CEP170: variants seen among roughly 807,000 people sequenced by gnomAD.
CEP170 encodes the protein centrosomal protein of 170 kDa.
In CEP170, 21 loss-of-function variants were observed where a neutral mutation model predicts 151.9. That is an observed-to-expected ratio of 0.14 (90% CI 0.10 to 0.20). CEP170 has a LOEUF of 0.20. Among genes scored for constraint, CEP170 ranks in the 10% least tolerant of loss-of-function variants. The pLI is 1.00. For missense variants in CEP170, 964 were observed against 1,892.9 expected (o/e 0.51, Z 9.11); for synonymous variants, 356 against 648.8 (o/e 0.55, Z 6.86).
chr1:243,223,205 C>G (rs2062963509), intron 2 of CEP170, among the ~76,000 whole-genome samples: 1 of 152,030 alleles, frequency 6.6e-6, no homozygotes, highest in African/African-American at 2.4e-5. Flanking sequence ...TCAATAAATA[C>G]TGAATGGATC....
chr1:243,206,725 A>G (rs2061445109), intron 4 of CEP170, among the ~76,000 whole-genome samples: 1 of 152,250 alleles, frequency 6.6e-6, no homozygotes, highest in Non-Finnish European at 1.5e-5. Flanking sequence ...TTGACTTTTT[A>G]CTAATAACAA....
chr1:243,202,245 G>C (rs1238206506), intron 4 of CEP170, among the ~76,000 whole-genome samples: 1 of 152,124 alleles, frequency 6.6e-6, no homozygotes, highest in Non-Finnish European at 1.5e-5. Context: ...TGGGACCTAA[G>C]CTATGGGTAC....
chr1:243,135,312 T>C (rs2054923388), intron 17 of CEP170, among the ~76,000 whole-genome samples: 1 of 152,090 alleles, frequency 6.6e-6, no homozygotes, highest in Non-Finnish European at 1.5e-5. Flanking sequence ...GTTCACGCCA[T>C]TCTCCTGCCT....
chr1:243,202,300 G>A (rs2061096996), intron 4 of CEP170, among the ~76,000 whole-genome samples: 1 of 152,122 alleles, frequency 6.6e-6, no homozygotes, highest in African/African-American at 2.4e-5. Flanking sequence ...ATAATCAGAA[G>A]TGGGGAAGCC....
In CEP170 at chr1:243,200,522, G is replaced by C. The variant is rs754428380; in HGVS notation, c.492C>G (p.Ala164=). ...TTTCGAGAGAGGCCAGCTTACCCAT[G>C]GCTTTTTCCTCGGATTTCAGTGCTT... The part of the protein sequence containing the change: ...TTEALKSEEK[A]MDISAMPRGT... The change falls in exon 6 of 20, where the codon GCC becomes GCG. Residue 164 remains alanine (A), a synonymous_variant. Transcript: ENST00000366542. 2 of 1,576,610 alleles carry C rather than the reference G, an allele frequency of 1.3e-6. No individual in the cohort carries two copies. The highest frequency in any genetic ancestry group is 2.7e-5 in the African/African-American group (2 of 73,440).
At chr1:243,204,535 G>A (rs954425175) in intron 4 of CEP170, among the ~76,000 whole-genome samples, 4 of 152,144 alleles carry the variant, frequency 2.6e-5, no homozygotes, top group Admixed American at 2.6e-4. Flanking sequence ...GGTGGATCTT[G>A]TGATTCAAGA....
rs1488638122 is a variant in CEP170 at position 243,165,149 on chromosome 1, T to G, written c.2811A>C (p.Thr937=). The G allele has an allele frequency of 3.7e-6, 6 of 1,613,450 alleles. No homozygotes were observed. Among genetic ancestry groups the G allele is most frequent in the Non-Finnish European group, 5.1e-6 (6 of 1,179,676 alleles). Residue 937 remains threonine (T), a synonymous_variant, in exon 13 of 20, where the codon ACA becomes ACC. Coordinates refer to ENST00000366542, the MANE Select transcript of CEP170 (RefSeq NM_014812.3). ...NSISPESDVD[T]ASTISLVTGE... is the part of the protein sequence containing the mutation. The stretch of plus-strand genomic sequence containing the variant: ...CAGTAACCAGACTGATTGTACTAGC[T>G]GTATCTACATCAGATTCTGGTGAAA...
intron 8 of CEP170, among the ~76,000 whole-genome samples, chr1:243,187,560 TTTAAA>T (rs1322719254): frequency 1.9e-4 from 29 of 152,326 alleles, no homozygotes; most frequent in African/African-American, 7.0e-4. Flanking sequence ...AAATCTGATT[TTTAAA>T]TTTACCTGGG....
intron 10 of CEP170, among the ~76,000 whole-genome samples, chr1:243,173,337 G>A (rs1445719581): frequency 1.3e-5 from 2 of 151,676 alleles, no homozygotes; most frequent in Non-Finnish European, 2.9e-5. Flanking sequence ...TGGGATTACA[G>A]GCATGAGCCA....
intron 1 of CEP170, among the ~76,000 whole-genome samples, chr1:243,248,101 T>C (rs886846799): frequency 5.3e-5 from 8 of 152,230 alleles, no homozygotes; most frequent in African/African-American, 1.9e-4. Context: ...GATTTAGTAG[T>C]TGCCAGGGGA....
chr1:243,144,756 C>A (rs371207009), intron 14 of CEP170, among the ~76,000 whole-genome samples: 2 of 152,082 alleles, frequency 1.3e-5, no homozygotes, highest in East Asian at 3.9e-4. Flanking sequence ...GTATATACAA[C>A]ATATATTGTT....
In CEP170 at chr1:243,255,139, G is replaced by C. The variant is rs902512024; in HGVS notation, c.-141C>G. On this transcript the variant is annotated 5_prime_UTR_variant, in exon 1 of 20. Coordinates refer to ENST00000366542, the MANE Select transcript of CEP170 (RefSeq NM_014812.3). ...CTCCCCCCACCTCGTCGTCGTCGTC[G>C]TCGCCGCTGTTGTCGTCGCTGCCGC... The C allele has an allele frequency of 6.5e-6, 1 of 153,274 alleles. No homozygotes were observed. The highest frequency in any genetic ancestry group is 1.5e-5 in the Non-Finnish European group (1 of 68,634). 9.5% of individuals were successfully genotyped at this position (153,274 alleles called of 1,614,324 possible).
At chr1:243,134,894 T>C (rs1490851312) in intron 17 of CEP170, among the ~76,000 whole-genome samples, 1 of 152,034 alleles carries the variant, frequency 6.6e-6, no homozygotes, top group East Asian at 1.9e-4. Context: ...AAAGTAAAGA[T>C]CTAATTAAGA....
chr1:243,228,338 T>C (rs1383568367), intron 1 of CEP170, among the ~76,000 whole-genome samples: 1 of 152,236 alleles, frequency 6.6e-6, no homozygotes, highest in Non-Finnish European at 1.5e-5. Context: ...TTATTTGATA[T>C]AGTTGATTTA....
chr1:243,161,597 A>G (rs2058074964), intron 13 of CEP170, among the ~76,000 whole-genome samples: 1 of 152,108 alleles, frequency 6.6e-6, no homozygotes, highest in Non-Finnish European at 1.5e-5. Flanking sequence ...GGCCTCCCCT[A>G]AAATACTGGG....
rs201615266 is a variant in CEP170 at position 243,125,235 on chromosome 1, G to A, written c.*1214C>T. ...CTTTTCTTTTTAAAATTATCCAAAT[G>A]TGAACTTACTGGAAAGAGAAAAAAC... On this transcript the variant is annotated 3_prime_UTR_variant, in exon 20 of 20. Transcript: ENST00000366542. The A allele has an allele frequency of 5.9e-5, 9 of 152,570 alleles. No individual in the cohort carries two copies. Among genetic ancestry groups the A allele is most frequent in the East Asian group, 5.8e-4 (3 of 5,194 alleles). The allele number at this position is 152,570 out of a possible 1,614,324, so 9.5% of individuals were successfully genotyped here. A position where few individuals can be genotyped will look rare whatever the true frequency, so the allele number is the denominator to read the frequency against.
chr1:243,199,304 T>C (rs1180292095), intron 6 of CEP170, 110 bp from the exon 7 acceptor site: 5 of 1,105,366 alleles, frequency 4.5e-6, no homozygotes, highest in Non-Finnish European at 5.1e-6. Flanking sequence ...AAGCAAAGTA[T>C]AGTCTTGATA....
At chr1:243,184,827 A>T (rs1336709693) in intron 10 of CEP170, among the ~76,000 whole-genome samples, 1 of 151,908 alleles carries the variant, frequency 6.6e-6, no homozygotes, top group Non-Finnish European at 1.5e-5. Flanking sequence ...TCAACTGGAG[A>T]TCTCATTTCT....
chr1:243,228,262 T>C (rs1201223043), intron 1 of CEP170, among the ~76,000 whole-genome samples: 1 of 152,106 alleles, frequency 6.6e-6, no homozygotes, highest in Non-Finnish European at 1.5e-5. Context: ...AAACAATGGG[T>C]TTCATCAAAG....
Sources: gnomAD v4.1 joint callset for allele counts (sites outside exome capture counted in the v4.1 genomes callset) on GRCh38, gnomAD v4.1.1 for gene constraint, MANE v1.5 for transcripts, NCBI Gene and HGNC (gene_info 2026-07-23, HGNC 2026-07-21) for gene names.